Variants in GABRG3 observed in about 807,000 individuals in gnomAD.
The protein encoded by GABRG3 is gamma-aminobutyric acid type A receptor subunit gamma3.
GABRG3 carries 25 observed loss-of-function variants against 48.8 expected under a neutral mutation model. The observed-to-expected ratio is 0.51, with a 90% CI of 0.37 to 0.72. GABRG3 has a LOEUF of 0.72. Among genes scored for constraint, GABRG3 ranks in the 30% least tolerant of loss-of-function variants. The probability of loss-of-function intolerance (pLI) is 0.00; values close to 1 mark genes in which losing one functional copy is unlikely to be tolerated. For synonymous variants in GABRG3, 227 were observed against 217.6 expected, an observed-to-expected ratio of 1.04 and a Z score of -0.38; for missense variants, 394 against 577.9, an observed-to-expected ratio of 0.68 and a Z score of 3.26.
intron 5 of GABRG3, among the ~76,000 whole-genome samples, chr15:27,411,852 A>G (rs1265166744): frequency 6.6e-6 from 1 of 152,140 alleles, no homozygotes; most frequent in Non-Finnish European, 1.5e-5. Context: ...CACCCAGTGC[A>G]TTATTACTAT....
At chr15:27,306,351 C>G (rs1247105570) in intron 3 of GABRG3, among the ~76,000 whole-genome samples, 1 of 105,728 alleles carries the variant, frequency 9.5e-6, no homozygotes, top group Non-Finnish European at 2.1e-5. Flanking sequence ...ATAAACATGT[C>G]TACATATAAA....
At chr15:27,306,770 A>G (rs1272403946) in intron 3 of GABRG3, among the ~76,000 whole-genome samples, 1 of 112,298 alleles carries the variant, frequency 8.9e-6, no homozygotes, top group Non-Finnish European at 1.7e-5. Context: ...ATATAAACAT[A>G]CAATATAAAC....
intron 3 of GABRG3, among the ~76,000 whole-genome samples, chr15:27,213,927 GA>G (rs1889155230): frequency 6.6e-6 from 1 of 152,222 alleles, no homozygotes; most frequent in African/African-American, 2.4e-5. Context: ...AGCGAAGGGG[GA>G]AACTCAGAGT....
At chr15:26,985,786 GA>G (rs1297313101) in intron 2 of GABRG3, among the ~76,000 whole-genome samples, 3 of 152,312 alleles carry the variant, frequency 2.0e-5, no homozygotes, top group African/African-American at 7.2e-5. Flanking sequence ...CAAAGAACCA[GA>G]TGTATGATTA....
At chr15:27,509,631 C>T (rs1040641947) in intron 6 of GABRG3, among the ~76,000 whole-genome samples, 2 of 152,156 alleles carry the variant, frequency 1.3e-5, no homozygotes, top group African/African-American at 4.8e-5. Flanking sequence ...ACTAATGTGC[C>T]TATCAAAAGC....
At chr15:27,322,259 T>A (rs1893452885) in intron 3 of GABRG3, among the ~76,000 whole-genome samples, 1 of 152,200 alleles carries the variant, frequency 6.6e-6, no homozygotes. Flanking sequence ...TGTCTTAAAG[T>A]GGCATTCATG....
intron 3 of GABRG3, among the ~76,000 whole-genome samples, chr15:27,200,241 T>G (rs1285811159): frequency 1.3e-5 from 2 of 152,244 alleles, no homozygotes; most frequent in East Asian, 3.8e-4. Context: ...TGTTGACCTG[T>G]TAACTTTAAA....
chr15:27,279,008 T>C (rs1204738237), intron 3 of GABRG3, among the ~76,000 whole-genome samples: 2 of 152,230 alleles, frequency 1.3e-5, no homozygotes, highest in Non-Finnish European at 2.9e-5. Context: ...CCTTTCTAAG[T>C]TTATGGCTTT....
At chr15:27,495,991 T>A (rs1890477622) in intron 6 of GABRG3, among the ~76,000 whole-genome samples, 1 of 152,216 alleles carries the variant, frequency 6.6e-6, no homozygotes, top group Non-Finnish European at 1.5e-5. Flanking sequence ...ATTGTCTCCT[T>A]ACTTGCAGGT....
At chr15:26,999,029 G>C (rs1306353492) in intron 2 of GABRG3, among the ~76,000 whole-genome samples, 4 of 151,614 alleles carry the variant, frequency 2.6e-5, no homozygotes, top group African/African-American at 9.7e-5. Flanking sequence ...TGTTTTTGAT[G>C]TGGAATTCTG....
At chr15:27,528,446 G>A (rs1461197284) in intron 9 of GABRG3, among the ~76,000 whole-genome samples, 1 of 152,138 alleles carries the variant, frequency 6.6e-6, no homozygotes, top group Admixed American at 6.5e-5. Context: ...AGGACACTGG[G>A]CTTATCCACA....
chr15:27,093,412 T>C (rs1275336521), intron 3 of GABRG3, among the ~76,000 whole-genome samples: 1 of 152,152 alleles, frequency 6.6e-6, no homozygotes, highest in Admixed American at 6.5e-5. Context: ...CCACTGGTGC[T>C]CTCTGAGAGT....
chr15:27,027,408 C>G (rs1232181499), intron 3 of GABRG3, among the ~76,000 whole-genome samples: 1 of 152,210 alleles, frequency 6.6e-6, no homozygotes, highest in Admixed American at 6.5e-5. Context: ...TCTATTGCAG[C>G]CTCAAGCATT....
At chr15:27,185,467 C>T (rs1888064391) in intron 3 of GABRG3, among the ~76,000 whole-genome samples, 1 of 152,058 alleles carries the variant, frequency 6.6e-6, no homozygotes, top group Non-Finnish European at 1.5e-5. Flanking sequence ...TATGGTATAT[C>T]TTGGTAAATA....
At chr15:27,065,907 G>A (rs1003950103) in intron 3 of GABRG3, among the ~76,000 whole-genome samples, 1 of 152,198 alleles carries the variant, frequency 6.6e-6, no homozygotes, top group Non-Finnish European at 1.5e-5. Context: ...TCCAAACAGA[G>A]AAAATCCTGG....
At chr15:27,219,284 G>C (rs1428809245) in intron 3 of GABRG3, among the ~76,000 whole-genome samples, 1 of 152,214 alleles carries the variant, frequency 6.6e-6, no homozygotes, top group Non-Finnish European at 1.5e-5. Context: ...TGGCCTTGGG[G>C]CGGGCTGGGT....
At chr15:27,301,418 G>C (rs1892201164) in intron 3 of GABRG3, among the ~76,000 whole-genome samples, 1 of 151,992 alleles carries the variant, frequency 6.6e-6, no homozygotes, top group African/African-American at 2.4e-5. Flanking sequence ...CTGGTTTCCT[G>C]CTAATGAAAC....
intron 5 of GABRG3, chr15:27,419,006 T>C (rs1216208008): frequency 6.6e-6 from 1 of 152,194 alleles, no homozygotes; most frequent in South Asian, 2.1e-4. Context: ...ACAGTAATGG[T>C]ACACCTGCAG....
intron 3 of GABRG3, among the ~76,000 whole-genome samples, chr15:27,150,410 A>C (rs892461437): frequency 1.3e-5 from 2 of 152,202 alleles, no homozygotes; most frequent in African/African-American, 4.8e-5. Context: ...GTATTAACAT[A>C]TCTTTATTTT....
Sources: gnomAD v4.1 joint callset for allele counts (sites outside exome capture counted in the v4.1 genomes callset) on GRCh38, gnomAD v4.1.1 for gene constraint, MANE v1.5 for transcripts, NCBI Gene and HGNC (gene_info 2026-07-23, HGNC 2026-07-21) for gene names.